Variants in RTN2 observed in about 807,000 individuals in gnomAD.
RTN2 encodes the protein reticulon-2.
A neutral mutation model predicts 63.7 loss-of-function variants in RTN2; 36 were observed. That is an observed-to-expected ratio of 0.56 (90% confidence interval 0.43 to 0.75). RTN2 has a LOEUF of 0.75. Among genes scored for constraint, RTN2 ranks in the 30% least tolerant of loss-of-function variants. The probability of loss-of-function intolerance (pLI) is 0.00; values close to 1 mark genes in which losing one functional copy is unlikely to be tolerated. For synonymous variants in RTN2, 312 were observed against 313.0 expected, an observed-to-expected ratio of 1.00 and a Z score of 0.03; for missense variants, 673 against 705.1, an observed-to-expected ratio of 0.95 and a Z score of 0.52.
In RTN2 at chr19:45,485,671, G is replaced by A. The variant is rs762231590; in HGVS notation, c.*37C>T. ...TGGAGGGGGCCAGAGGGCTGCGGGG[G>A]CTGGGGGCAGGCGTCCTGCGGGCAG... On this transcript the variant is annotated 3_prime_UTR_variant, in exon 11 of 11. Transcript: ENST00000245923. 2 of 1,551,920 alleles carry A rather than the reference G, an allele frequency of 1.3e-6. No individual in the cohort carries two copies. Among genetic ancestry groups the A allele is most frequent in the East Asian group, 2.2e-5 (1 of 44,566 alleles).
chr19:45,488,351 C>CA (rs1317827618), intron 9 of RTN2, 120 bp downstream of exon 9: 2 of 962,354 alleles, frequency 2.1e-6, no homozygotes, highest in Non-Finnish European at 3.2e-6. Flanking sequence ...TGGGAAGGTG[C>CA]TGCAGCCAGG....
chr19:45,492,792 G>C (rs1365214279), intron 5 of RTN2, among the ~76,000 whole-genome samples: 1 of 152,184 alleles, frequency 6.6e-6, no homozygotes, highest in Non-Finnish European at 1.5e-5. Flanking sequence ...CCTAGTGGCC[G>C]GCGCCGGTGG....
In RTN2 at chr19:45,496,851, C is replaced by A; in HGVS notation, c.-26G>T. 7.0e-7 allele frequency: 1 copy of A among 1,437,298 alleles called. No homozygotes were observed. Among genetic ancestry groups the A allele is most frequent in the Non-Finnish European group, 9.3e-7 (1 of 1,078,890 alleles). The allele number at this position is 1,437,298 out of a possible 1,614,324, so 89.0% of individuals were successfully genotyped here. A position where few individuals can be genotyped will look rare whatever the true frequency, so the allele number is the denominator to read the frequency against. On this transcript the variant is annotated 5_prime_UTR_variant, in exon 1 of 11. Transcript: ENST00000245923. ...GGCCCCCCTCGGGCCTGCATCGGGA[C>A]CCCCGCCCACTCCGGCTGTGCCGCC...
At chr19:45,495,396 T>G (rs1178048064) in intron 1 of RTN2, among the ~76,000 whole-genome samples, 2 of 152,196 alleles carry the variant, frequency 1.3e-5, no homozygotes, top group African/African-American at 4.8e-5. Context: ...AACCACTTAT[T>G]GAGCACCTAC....
intron 6 of RTN2, 149 bp downstream of exon 6, chr19:45,489,197 G>C: frequency 1.1e-6 from 1 of 900,960 alleles, no homozygotes; most frequent in Non-Finnish European, 1.7e-6. Flanking sequence ...TAGGATCAGA[G>C]ATTAGGATTG....
chr19:45,487,102 G>T (rs1409442894), intron 9 of RTN2, among the ~76,000 whole-genome samples: 1 of 142,064 alleles, frequency 7.0e-6, no homozygotes, highest in African/African-American at 2.6e-5. Context: ...GAGTGCAGTG[G>T]CATGATCACA....
intron 2 of RTN2, 34 bp downstream of exon 2, chr19:45,495,061 C>A: frequency 6.2e-7 from 1 of 1,614,182 alleles, no homozygotes; most frequent in Non-Finnish European, 8.5e-7. Flanking sequence ...AGCTGCCCAG[C>A]CCTGAGCCCC....
At position 45,494,884 on chromosome 19, in the gene RTN2, G is replaced by A. The variant is rs554856462; in HGVS notation, c.201C>T (p.Ile67=). 7 of 1,610,464 alleles carry A rather than the reference G, an allele frequency of 4.3e-6. No individual in the cohort carries two copies. Among genetic ancestry groups the A allele is most frequent in the Admixed American group, 1.7e-5 (1 of 60,016 alleles). ...GTPRELTFSY[I]AFDGVVGSGG... ...CGGAGCCCACTACACCATCAAAGGC[G>A]ATGTAGGAGAAGGTCAGCTCCCGGG... The change falls in exon 3 of 11, where the codon ATC becomes ATT. Residue 67 remains isoleucine (I), a synonymous_variant. Transcript: ENST00000245923. The surrounding 1 kb of genome is among the most constrained non-coding windows in gnomAD (Gnocchi z 5.3).
intron 5 of RTN2, 116 bp from the exon 6 acceptor site, chr19:45,489,669 T>G: frequency 1.6e-6 from 1 of 644,276 alleles, no homozygotes; most frequent in South Asian, 2.1e-5. Flanking sequence ...GAGCATAACC[T>G]GATTTCCTTT....
intron 4 of RTN2, 87 bp from the exon 5 acceptor site, chr19:45,493,465 G>C (rs1968205178): frequency 9.8e-7 from 1 of 1,017,302 alleles, no homozygotes; most frequent in Non-Finnish European, 1.5e-6. Context: ...GTTTTTGTTT[G>C]TTTTTTCAAA....
At chr19:45,495,610 G>T (rs1968254077) in intron 1 of RTN2, among the ~76,000 whole-genome samples, 1 of 152,194 alleles carries the variant, frequency 6.6e-6, no homozygotes, top group East Asian at 1.9e-4. Context: ...CTCATAGGGT[G>T]GTCAAGAAGG....
intron 5 of RTN2, among the ~76,000 whole-genome samples, chr19:45,492,795 G>C (rs763216347): frequency 2.0e-5 from 3 of 152,190 alleles, no homozygotes; most frequent in Admixed American, 1.3e-4. Context: ...AGTGGCCGGC[G>C]CCGGTGGATG....
intron 7 of RTN2, 32 bp from the exon 8 acceptor site, chr19:45,488,738 A>G (rs1396896540): frequency 6.2e-7 from 1 of 1,609,368 alleles, no homozygotes; most frequent in South Asian, 1.1e-5. Flanking sequence ...AGCAGAGCCC[A>G]CCGGGAATTC....
rs2122233629 is a variant in RTN2 at position 45,496,939 on chromosome 19, GCCT to G, written c.-117_-115del. On this transcript the variant is annotated 5_prime_UTR_variant, in exon 1 of 11. Coordinates refer to ENST00000245923, the MANE Select transcript of RTN2 (RefSeq NM_005619.5). ...CCACGACGCCGCTGCCATTCTCGCC[GCCT>G]CCTCCTCCCGGGCTGCTCCAGCCGC... 7.2e-6 allele frequency: 4 copies of G among 554,302 alleles called. No individual in the cohort carries two copies. 34.3% of individuals were successfully genotyped at this position (554,302 alleles called of 1,614,324 possible). A position where few individuals can be genotyped will look rare whatever the true frequency, so the allele number is the denominator to read the frequency against.
Position 45,494,888 on chromosome 19 carries a change from TAGG to T in RTN2, c.194_196del (p.Ser65del). ...GCCCACTACACCATCAAAGGCGATG[TAGG>T]AGAAGGTCAGCTCCCGGGGGGTGCC... On this transcript the variant is annotated inframe_deletion, in exon 3 of 11. Transcript: ENST00000245923. This position sits in a 1 kb window ranked among gnomAD's most constrained non-coding sequence, Gnocchi z 5.3. 1.2e-6 allele frequency: 2 copies of T among 1,610,984 alleles called. No individual in the cohort carries two copies. The highest frequency in any genetic ancestry group is 2.2e-5 in the East Asian group (1 of 44,876).
At chr19:45,487,032 C>CTT (rs34799041) in intron 9 of RTN2, among the ~76,000 whole-genome samples, 1,491 of 39,180 alleles carry the variant, frequency 0.038, 399 homozygotes, top group Non-Finnish European at 0.044. Flanking sequence ...CATGCCCAGC[C>CTT]TTTTTTTTTT....
chr19:45,487,032 C>CATTTTTTTTTTTT (rs1968039629), intron 9 of RTN2, among the ~76,000 whole-genome samples: 1 of 39,178 alleles, frequency 2.6e-5, no homozygotes, highest in Non-Finnish European at 4.6e-5. Flanking sequence ...CATGCCCAGC[C>CATTTTTTTTTTTT]TTTTTTTTTT....
Position 45,488,836 on chromosome 19 carries a change from G to A in RTN2, c.1380+12C>T, listed in dbSNP as rs775459546. ...TGGGGGAACCCAGGAGGGGCTGAGA[G>A]CTCCAGGCCACCTTGAGGGAATCCA... On this transcript the variant is annotated intron_variant, in intron 7 of 10. Coordinates refer to ENST00000245923, the MANE Select transcript of RTN2 (RefSeq NM_005619.5). 1.2e-6 allele frequency: 2 copies of A among 1,600,162 alleles called. No homozygotes were observed. Among genetic ancestry groups the A allele is most frequent in the East Asian group, 2.3e-5 (1 of 44,436 alleles).
chr19:45,488,881 G>A lies in RTN2; in HGVS notation c.1347C>T (p.Phe449=). 8 of 1,604,964 alleles carry A rather than the reference G, an allele frequency of 5.0e-6. No individual in the cohort carries two copies. Among genetic ancestry groups the A allele is most frequent in the Non-Finnish European group, 5.1e-6 (6 of 1,176,494 alleles). ...VVSAATQLRH[F]FLVEDLVDSL... is the part of the protein sequence containing the mutation. ...AATCCACGAGGTCTTCTACCAGGAAGAAGTGCCGCAGCTGCGTGGCCGCCG... is the reference window on the plus strand; with the variant it reads ...AATCCACGAGGTCTTCTACCAGGAAAAAGTGCCGCAGCTGCGTGGCCGCCG... The change falls in exon 7 of 11, where the codon TTC becomes TTT. Residue 449 remains phenylalanine (F), a synonymous_variant. Coordinates refer to ENST00000245923, the MANE Select transcript of RTN2 (RefSeq NM_005619.5).
Sources: gnomAD v4.1 joint callset for allele counts (sites outside exome capture counted in the v4.1 genomes callset) on GRCh38, gnomAD v4.1.1 for gene constraint, Gnocchi (gnomAD v3.1) non-coding constraint, MANE v1.5 for transcripts, NCBI Gene and HGNC (gene_info 2026-07-23, HGNC 2026-07-21) for gene names.